Variants in DDX50 observed in about 807,000 individuals in gnomAD.
DDX50 encodes the protein DExD-box helicase 50.
Under a neutral mutation model 94.8 loss-of-function variants are expected in DDX50, and 56 were observed. The ratio of observed to expected loss-of-function variants is 0.59; its 90% CI spans 0.48 to 0.74. DDX50 has a LOEUF of 0.74. Ranked by LOEUF, DDX50 falls within the 30% of genes least tolerant of loss-of-function variation. The pLI, the probability that DDX50 is intolerant of heterozygous loss-of-function variation, is 0.00. For missense variants in DDX50, 713 were observed against 881.2 expected, an observed-to-expected ratio of 0.81 and a Z score of 2.42; for synonymous variants, 264 against 295.4, an observed-to-expected ratio of 0.89 and a Z score of 1.09.
chr10:68,942,725 C>T (rs575874765), intron 13 of DDX50, among the ~76,000 whole-genome samples: 13 of 152,136 alleles, frequency 8.5e-5, no homozygotes, highest in African/African-American at 3.1e-4. Context: ...GCGATCCTCC[C>T]ACCTCAGCCT....
intron 1 of DDX50, among the ~76,000 whole-genome samples, chr10:68,906,028 A>C (rs1041330337): frequency 6.6e-6 from 1 of 152,220 alleles, no homozygotes. Flanking sequence ...GATTTTTAGA[A>C]AGGTAGCACC....
At chr10:68,917,823 G>A (rs879658278) in intron 7 of DDX50, among the ~76,000 whole-genome samples, 5 of 152,066 alleles carry the variant, frequency 3.3e-5, no homozygotes, top group Admixed American at 2.6e-4. Flanking sequence ...GGCTAGTCTG[G>A]AAGTCCTCAC....
chr10:68,909,707 G>A (rs1841568822), intron 2 of DDX50, among the ~76,000 whole-genome samples: 1 of 151,774 alleles, frequency 6.6e-6, no homozygotes, highest in Non-Finnish European at 1.5e-5. Context: ...TTGTTGCCCC[G>A]GCTGGAGTGC....
intron 1 of DDX50, 37 bp from the exon 2 acceptor site, chr10:68,906,674 C>T (rs957653358): frequency 1.3e-5 from 20 of 1,590,008 alleles, no homozygotes; most frequent in Non-Finnish European, 1.6e-5. Context: ...AAGAAAACCT[C>T]TGACCATCTT....
At chr10:68,914,321 T>C in intron 7 of DDX50, 117 bp downstream of exon 7, 1 of 1,110,378 alleles carries the variant, frequency 9.0e-7, no homozygotes, top group South Asian at 1.4e-5. Context: ...CCTTTTCTGC[T>C]CTTAGTAAGA....
Position 68,946,602 on chromosome 10 carries a change from G to C in DDX50, c.2186G>C (p.Ser729Thr), listed in dbSNP as rs777125053. The C allele has an allele frequency of 6.2e-7, 1 of 1,614,014 alleles. No individual in the cohort carries two copies. The stretch of plus-strand genomic sequence containing the variant: ...AGTGGGAATAGAAATCGATCAAGAA[G>C]TGGGGGCCACAAACGGAGTTTTGAC... Reference protein sequence around the residue: ...RRSGNRNRSRSGGHKRSFD With the variant: ...RRSGNRNRSRTGGHKRSFD Residue 729 changes from serine to threonine, a missense_variant, in exon 15 of 15, where the codon AGT becomes ACT. Ser to Thr is a moderately conservative substitution (Grantham distance 58, BLOSUM62 1). Coordinates refer to ENST00000373585, the MANE Select transcript of DDX50 (RefSeq NM_024045.2).
intron 8 of DDX50, among the ~76,000 whole-genome samples, chr10:68,926,802 C>CAT (rs1301468520): frequency 1.4e-5 from 2 of 148,062 alleles, no homozygotes; most frequent in African/African-American, 5.1e-5. Flanking sequence ...CACACACACA[C>CAT]ACACACTTTT....
chr10:68,929,235 C>G (rs1330175582), intron 8 of DDX50, among the ~76,000 whole-genome samples: 1 of 148,602 alleles, frequency 6.7e-6, no homozygotes, highest in Non-Finnish European at 1.5e-5. Flanking sequence ...GTATGAGCCA[C>G]TATGCCCAGC....
chr10:68,925,936 C>G (rs1842070682), intron 8 of DDX50, among the ~76,000 whole-genome samples: 1 of 150,080 alleles, frequency 6.7e-6, no homozygotes, highest in South Asian at 2.1e-4. Context: ...ATCACTTGAG[C>G]TAGGGAGGCA....
Position 68,917,257 on chromosome 10 carries a change from C to T in DDX50, c.1090-2575C>T, listed in dbSNP as rs377521018. Among the ~76,000 whole-genome samples, 47 of 151,876 alleles carry T rather than the reference C, an allele frequency of 3.1e-4. No individual in the cohort carries two copies. In the South Asian group the frequency reaches 9.2e-3, roughly 30 times the overall value. On this transcript the variant is annotated intron_variant, in intron 7 of 14. Transcript: ENST00000373585. Reference sequence around the variant, plus strand: ...GGTAGATCACCTGAGGTCAGGAGTTCGAGACCAGCCTGACCAACATAGTGA... The same window carrying T: ...GGTAGATCACCTGAGGTCAGGAGTTTGAGACCAGCCTGACCAACATAGTGA...
Position 68,938,771 on chromosome 10 carries a change from A to G in DDX50, c.1755+1676A>G, listed in dbSNP as rs1244150391. On this transcript the variant is annotated intron_variant, in intron 12 of 14. Coordinates refer to ENST00000373585, the MANE Select transcript of DDX50 (RefSeq NM_024045.2). ...TTTATCCATATGTGTACATATACCT[A>G]TTTGTATGTATGTTTTTAAAAATTC... Among the ~76,000 whole-genome samples, 5 of 152,214 alleles carry G rather than the reference A, an allele frequency of 3.3e-5. No homozygotes were observed. The Middle Eastern group carries it at 0.01, about 311-fold the overall frequency.
At chr10:68,911,356 G>A in intron 4 of DDX50, 110 bp downstream of exon 4, 2 of 1,171,928 alleles carry the variant, frequency 1.7e-6, no homozygotes, top group South Asian at 2.7e-5. Flanking sequence ...TTAGCGCTGT[G>A]GCATAAAACA....
rs768298719 is a variant in DDX50, at chr10:68,901,444, C to A, written c.60C>A (p.Ser20=). 6 of 1,574,790 alleles carry A rather than the reference C, an allele frequency of 3.8e-6. No homozygotes were observed. In the African/African-American group the frequency reaches 8.1e-5, roughly 21 times the overall value. ...IMELEAPLEE[S]ESQKKERQKS... is the part of the protein sequence containing the mutation. ...AGCTGGAAGCACCCTTGGAGGAGTC[C>A]GAGAGCCAGAAGAAGGAGAGGCAAA... The change falls in exon 1 of 15, where the codon TCC becomes TCA. Residue 20 remains serine, a synonymous_variant. Coordinates refer to ENST00000373585, the MANE Select transcript of DDX50 (RefSeq NM_024045.2).
chr10:68,935,359 A>G (rs1415144004), intron 10 of DDX50, among the ~76,000 whole-genome samples: 2 of 151,830 alleles, frequency 1.3e-5, no homozygotes, highest in East Asian at 1.9e-4. Flanking sequence ...GCAATTTCAT[A>G]TACTTTGTAA....
intron 3 of DDX50, 103 bp downstream of exon 3, chr10:68,910,485 C>G: frequency 2.4e-6 from 2 of 826,734 alleles, no homozygotes; most frequent in Non-Finnish European, 3.7e-6. Flanking sequence ...TCACTGCAAC[C>G]TCCGCCTCCT....
intron 7 of DDX50, among the ~76,000 whole-genome samples, chr10:68,917,599 G>T (rs148876098): frequency 7.8e-4 from 119 of 152,066 alleles, no homozygotes; most frequent in Non-Finnish European, 1.4e-3. Flanking sequence ...TTGTTTGTTC[G>T]TGTTGTGTTT....
intron 1 of DDX50, among the ~76,000 whole-genome samples, chr10:68,903,756 G>A (rs1289478867): frequency 6.6e-6 from 1 of 150,432 alleles, no homozygotes; most frequent in South Asian, 2.1e-4. Context: ...AGCTGAAATC[G>A]CACCACTGCA....
Position 68,937,622 on chromosome 10 carries a change from G to C in DDX50, c.1755+527G>C, listed in dbSNP as rs1554837603. On this transcript the variant is annotated intron_variant, in intron 12 of 14. Transcript: ENST00000373585. The stretch of plus-strand genomic sequence containing the variant: ...TTTTTTTGAGATTGAGTCTTGTTCT[G>C]TTACCCAGGCTGGAGTGCAATTACG... Among the ~76,000 whole-genome samples the C allele has an allele frequency of 3.1e-5, 3 of 96,192 alleles. 1 individual carries two copies. The Admixed American group carries it at 4.1e-4, about 13-fold the overall frequency. 63.1% of individuals were successfully genotyped at this position (96,192 alleles called of 152,430 possible).
intron 7 of DDX50, among the ~76,000 whole-genome samples, chr10:68,915,513 C>T (rs938986961): frequency 2.0e-5 from 3 of 152,038 alleles, no homozygotes; most frequent in East Asian, 1.9e-4. Context: ...GTCAGGAGAT[C>T]GAGACCATCC....
Sources: allele counts gnomAD v4.1 joint callset (sites outside exome capture counted in the v4.1 genomes callset), GRCh38; gene constraint gnomAD v4.1.1; transcripts MANE v1.5; gene names NCBI Gene and HGNC (gene_info 2026-07-23, HGNC 2026-07-21).